EML6: variants seen among roughly 807,000 people sequenced by gnomAD.
EML6 encodes the protein EMAP like 6.
In EML6, 154 loss-of-function variants were observed where a neutral mutation model predicts 240.1. The observed-to-expected ratio is 0.64, with a 90% CI of 0.56 to 0.73. The LOEUF (loss-of-function observed/expected upper bound fraction) is 0.73, where lower values mean the gene tolerates loss of function less well. Among genes scored for constraint, EML6 ranks in the 30% least tolerant of loss-of-function variants. The probability of loss-of-function intolerance (pLI) is 0.00; values close to 1 mark genes in which losing one functional copy is unlikely to be tolerated. For synonymous variants in EML6, 1,148 were observed against 899.0 expected (o/e 1.28, Z -4.95); for missense variants, 2,964 against 2,474.6 (o/e 1.20, Z -4.20).
chr2:54,829,410 A>T lies in EML6; in HGVS notation c.780A>T (p.Arg260=). Residue 260 remains arginine, a synonymous_variant, in exon 7 of 42, where the codon CGA becomes CGT. Transcript: ENST00000356458. ...CTGGTGGGCGAGATGGGTGTATACG[A>T]CTGTGGGACACTGATTTCAAACCAA... ...FATGGRDGCI[R]LWDTDFKPIT... The T allele has an allele frequency of 6.4e-7, 1 of 1,551,818 alleles. No individual in the cohort carries two copies. Among genetic ancestry groups the T allele is most frequent in the Non-Finnish European group, 8.7e-7 (1 of 1,146,820 alleles).
intron 2 of EML6, among the ~76,000 whole-genome samples, chr2:54,792,783 A>T (rs1669524078): frequency 6.6e-6 from 1 of 152,252 alleles, no homozygotes; most frequent in Non-Finnish European, 1.5e-5. Context: ...CTATAGAAAT[A>T]CGACATTGTT....
chr2:54,866,088 A>G lies in EML6; in HGVS notation c.1933-678A>G, dbSNP rs139554283. ...ACAAATGATTTTTGATCAAATCCTA[A>G]ACAGGGGCCTTATATTTTATGATTT... On this transcript the variant is annotated intron_variant, in intron 13 of 41. Coordinates refer to ENST00000356458, the MANE Select transcript of EML6 (RefSeq NM_001039753.4). Among the ~76,000 whole-genome samples, 5 of 152,334 alleles carry G rather than the reference A, an allele frequency of 3.3e-5. No individual in the cohort carries two copies. In the East Asian group the frequency reaches 9.6e-4, roughly 29 times the overall value.
At chr2:54,962,762 A>G (rs1676579269) in intron 36 of EML6, 51 bp downstream of exon 36, 2 of 1,397,838 alleles carry the variant, frequency 1.4e-6, no homozygotes, top group South Asian at 1.7e-5. Context: ...GCTGCGCGGC[A>G]GTGGGAGCTG....
chr2:54,770,228 G>C (rs1331133569), intron 2 of EML6, among the ~76,000 whole-genome samples: 2 of 152,132 alleles, frequency 1.3e-5, no homozygotes, highest in Non-Finnish European at 2.9e-5. Flanking sequence ...ACTATAAATA[G>C]TATAAGGATA....
chr2:54,749,154 C>G (rs978475742), intron 2 of EML6, among the ~76,000 whole-genome samples: 1 of 152,138 alleles, frequency 6.6e-6, no homozygotes, highest in African/African-American at 2.4e-5. Context: ...TTCCTCTGCT[C>G]TTATATCACA....
chr2:54,841,976 C>G (rs1018284113), intron 7 of EML6, among the ~76,000 whole-genome samples: 12 of 152,064 alleles, frequency 7.9e-5, no homozygotes, highest in African/African-American at 2.9e-4. Flanking sequence ...ACCATATACC[C>G]CTTCCCACCC....
chr2:54,858,020 A>G lies in EML6; in HGVS notation c.1658-1514A>G, dbSNP rs138931098. On this transcript the variant is annotated intron_variant, in intron 11 of 41. Coordinates refer to ENST00000356458, the MANE Select transcript of EML6 (RefSeq NM_001039753.4). ...AAGTGTAAATGCACAAACATTTATT[A>G]TATCATGGTTTCTGGGAGTCAAGGA... Among the ~76,000 whole-genome samples, 176 of 152,336 alleles carry G rather than the reference A, an allele frequency of 1.2e-3. 2 individuals are homozygous for G. The highest frequency in any genetic ancestry group is 3.8e-3 in the African/African-American group (157 of 41,582).
chr2:54,885,405 C>T (rs1466203522), intron 17 of EML6, among the ~76,000 whole-genome samples: 3 of 151,946 alleles, frequency 2.0e-5, no homozygotes, highest in Admixed American at 6.5e-5. Context: ...CGAGATCATG[C>T]CACTGCATTC....
Position 54,755,695 on chromosome 2 carries a change from C to T in EML6, c.197+30437C>T, listed in dbSNP as rs1019104223. Among the ~76,000 whole-genome samples the T allele has an allele frequency of 2.6e-5, 4 of 152,020 alleles. No homozygotes were observed. In the East Asian group the frequency reaches 7.7e-4, roughly 29 times the overall value. On this transcript the variant is annotated intron_variant, in intron 2 of 41. Transcript: ENST00000356458. ...AGTTTTTTCGAGACAGGGTTTGGCT[C>T]TGTTACTCAGACTGGAGTGCAGTGG...
intron 2 of EML6, among the ~76,000 whole-genome samples, chr2:54,770,928 T>G (rs1668376892): frequency 1.3e-5 from 2 of 152,092 alleles, no homozygotes; most frequent in African/African-American, 4.8e-5. Flanking sequence ...AGTAATCATC[T>G]TCATGTTGGT....
At chr2:54,794,720 A>G (rs372835142) in intron 2 of EML6, among the ~76,000 whole-genome samples, 2 of 152,208 alleles carry the variant, frequency 1.3e-5, no homozygotes, top group East Asian at 3.8e-4. Flanking sequence ...CTTTAATAGT[A>G]AAAAGGTCCT....
intron 2 of EML6, among the ~76,000 whole-genome samples, chr2:54,803,340 T>G (rs1399045153): frequency 2.6e-5 from 4 of 152,168 alleles, no homozygotes; most frequent in African/African-American, 9.7e-5. Flanking sequence ...GGACCTCAAT[T>G]TAGCCCTATT....
intron 28 of EML6, among the ~76,000 whole-genome samples, chr2:54,930,294 C>A (rs1409722611): frequency 6.6e-6 from 1 of 152,172 alleles, no homozygotes; most frequent in Non-Finnish European, 1.5e-5. Flanking sequence ...GATTTCAAAC[C>A]CTAACCAAGG....
intron 2 of EML6, among the ~76,000 whole-genome samples, chr2:54,787,590 C>T (rs912039403): frequency 5.3e-5 from 8 of 152,058 alleles, no homozygotes; most frequent in African/African-American, 1.2e-4. Flanking sequence ...AGTAATTGAT[C>T]GATAAATAGT....
intron 2 of EML6, among the ~76,000 whole-genome samples, chr2:54,734,515 C>T (rs897249301): frequency 6.6e-6 from 1 of 152,122 alleles, no homozygotes. Context: ...GGTTTTTTAT[C>T]CCCTGCTGGT....
chr2:54,793,701 G>C (rs1489637539), intron 2 of EML6, among the ~76,000 whole-genome samples: 2 of 152,100 alleles, frequency 1.3e-5, no homozygotes, highest in Non-Finnish European at 2.9e-5. Flanking sequence ...GTTTTCCTTT[G>C]AGCCAGATGT....
chr2:54,784,693 TC>T (rs1669001480), intron 2 of EML6, among the ~76,000 whole-genome samples: 1 of 152,248 alleles, frequency 6.6e-6, no homozygotes, highest in South Asian at 2.1e-4. Flanking sequence ...TATACTGTAT[TC>T]TTTTTTTTTA....
intron 32 of EML6, among the ~76,000 whole-genome samples, chr2:54,957,285 A>AG (rs375197559): frequency 7.5e-4 from 113 of 150,844 alleles, no homozygotes; most frequent in African/African-American, 2.7e-3. Context: ...AGGTAAAAAA[A>AG]TTTAAACCTA....
chr2:54,795,178 T>G (rs951417315), intron 2 of EML6, among the ~76,000 whole-genome samples: 1 of 152,194 alleles, frequency 6.6e-6, no homozygotes, highest in Non-Finnish European at 1.5e-5. Context: ...GACTGGGTAA[T>G]TTTTAAAGAA....
Sources: gnomAD v4.1 joint callset for allele counts (sites outside exome capture counted in the v4.1 genomes callset) on GRCh38, gnomAD v4.1.1 for gene constraint, MANE v1.5 for transcripts, NCBI Gene and HGNC (gene_info 2026-07-23, HGNC 2026-07-21) for gene names.